The following KLHL13 variants were observed in gnomAD, a reference collection of about 807,000 sequenced individuals.
KLHL13 encodes the protein kelch-like protein 13.
Under a neutral mutation model 37.1 loss-of-function variants are expected in KLHL13, and 10 were observed. That is an observed-to-expected ratio of 0.27 (90% CI 0.17 to 0.46). The LOEUF is 0.46. Ranked by LOEUF, KLHL13 falls within the 20% of genes least tolerant of loss-of-function variation. The probability of loss-of-function intolerance (pLI) is 1.00; values close to 1 mark genes in which losing one functional copy is unlikely to be tolerated. For missense variants in KLHL13, 360 were observed against 509.3 expected, an observed-to-expected ratio of 0.71 and a Z score of 2.82; for synonymous variants, 163 against 181.2, an observed-to-expected ratio of 0.90 and a Z score of 0.81.
At chrX:118,101,645 C>T (rs561909800) in intron 1 of KLHL13, among the ~76,000 whole-genome samples, 2 of 111,186 alleles carry the variant, frequency 1.8e-5, no homozygotes, top group South Asian at 7.7e-4. Context: ...GGCTCTGTGT[C>T]CCCACCCAAA....
intron 1 of KLHL13, among the ~76,000 whole-genome samples, chrX:117,986,170 A>C (rs2053724037): frequency 9.0e-6 from 1 of 111,501 alleles, no homozygotes; most frequent in South Asian, 3.7e-4. Flanking sequence ...TAGAAGCTTT[A>C]GTAATATAAG....
At chrX:118,108,143 T>C (rs2055365923) in intron 1 of KLHL13, among the ~76,000 whole-genome samples, 2 of 112,125 alleles carry the variant, frequency 1.8e-5, no homozygotes, top group Admixed American at 9.5e-5. Flanking sequence ...TTTTTAAAAG[T>C]GGGACCAAGA....
chrX:118,028,615 C>T (rs1222762332), intron 1 of KLHL13, 118 bp from the exon 2 acceptor site: 1 of 337,360 alleles, frequency 3.0e-6, no homozygotes, highest in African/African-American at 2.6e-5. Context: ...AAATGTATGC[C>T]CCTGTACTTA....
intron 1 of KLHL13, among the ~76,000 whole-genome samples, chrX:118,077,500 C>G (rs181615389): frequency 9.1e-6 from 1 of 109,553 alleles, no homozygotes; most frequent in African/African-American, 3.3e-5. Flanking sequence ...AAAGATGTTA[C>G]GTATTATGCA....
At chrX:117,988,954 A>T (rs1429712607) in intron 1 of KLHL13, among the ~76,000 whole-genome samples, 1 of 112,101 alleles carries the variant, frequency 8.9e-6, no homozygotes, top group Admixed American at 9.4e-5. Flanking sequence ...TACACTGAGA[A>T]TTTGAAAGGG....
chrX:118,099,106 T>C (rs953770887), intron 1 of KLHL13, among the ~76,000 whole-genome samples: 27 of 104,778 alleles, frequency 2.6e-4, no homozygotes, highest in African/African-American at 9.8e-4. Flanking sequence ...ACTTAAAGTA[T>C]AATAATAATA....
chrX:117,983,362 G>T, intron 1 of KLHL13: 1 of 417,569 alleles, frequency 2.4e-6, no homozygotes, highest in Non-Finnish European at 4.1e-6. Context: ...CAGTGCCCTA[G>T]CCATTACTGT....
intron 1 of KLHL13, among the ~76,000 whole-genome samples, chrX:118,094,387 A>T (rs963423365): frequency 6.3e-5 from 7 of 111,713 alleles, no homozygotes; most frequent in African/African-American, 2.3e-4. Context: ...ATATGGGATT[A>T]TGTGAAAAGA....
At chrX:118,012,191 C>T (rs149306319) in intron 1 of KLHL13, among the ~76,000 whole-genome samples, 36 of 111,717 alleles carry the variant, frequency 3.2e-4, no homozygotes, top group African/African-American at 1.1e-3. Flanking sequence ...GAAATTACAG[C>T]TCCTGGTATA....
chrX:117,967,935 A>G (rs1052489104), intron 1 of KLHL13, among the ~76,000 whole-genome samples: 9 of 111,489 alleles, frequency 8.1e-5, no homozygotes, highest in Non-Finnish European at 1.5e-4. Context: ...TGTGAATCCT[A>G]TAATTAAAAA....
chrX:117,915,020 C>A (rs1434499915), intron 4 of KLHL13, among the ~76,000 whole-genome samples: 4 of 111,807 alleles, frequency 3.6e-5, no homozygotes, highest in Non-Finnish European at 7.5e-5. Context: ...CTTCTATGTA[C>A]TATTTGCCCA....
intron 1 of KLHL13, among the ~76,000 whole-genome samples, chrX:118,001,248 A>C (rs187817157): frequency 9.0e-6 from 1 of 111,474 alleles, no homozygotes; most frequent in African/African-American, 3.3e-5. Context: ...TCAAAAGATG[A>C]CCTTTGGAAA....
intron 2 of KLHL13, among the ~76,000 whole-genome samples, chrX:117,928,548 T>C (rs963157708): frequency 1.7e-4 from 19 of 111,783 alleles, no homozygotes; most frequent in Non-Finnish European, 3.4e-4. Context: ...AAATCAAAAA[T>C]AGAAAAATCT....
intron 1 of KLHL13, among the ~76,000 whole-genome samples, chrX:118,078,546 A>G (rs766326482): frequency 9.0e-6 from 1 of 111,705 alleles, no homozygotes; most frequent in South Asian, 3.8e-4. Flanking sequence ...TTAGTTGATT[A>G]GCATTAACGC....
intron 1 of KLHL13, among the ~76,000 whole-genome samples, chrX:118,099,899 G>GAAAGAAAGAAGGAAGA (rs1423923131): frequency 7.0e-4 from 69 of 97,880 alleles, no homozygotes; most frequent in African/African-American, 3.0e-3. Context: ...AGGAAAGAAG[G>GAAAGAAAGAAGGAAGA]AAGGAAAGAA....
At chrX:118,089,621 A>AGAAG (rs1161731615) in intron 1 of KLHL13, among the ~76,000 whole-genome samples, 11 of 11,671 alleles carry the variant, frequency 9.4e-4, no homozygotes, top group African/African-American at 4.6e-3. Flanking sequence ...AGAAAGAAAG[A>AGAAG]GAAAGAAAGA....
chrX:118,058,325 C>A (rs1398115095), intron 1 of KLHL13, among the ~76,000 whole-genome samples: 1 of 110,888 alleles, frequency 9.0e-6, no homozygotes, highest in Non-Finnish European at 1.9e-5. Context: ...CTTACACACA[C>A]TAATTAATTA....
At chrX:118,015,352 T>G (rs1042176597) in intron 1 of KLHL13, among the ~76,000 whole-genome samples, 46 of 111,809 alleles carry the variant, frequency 4.1e-4, no homozygotes, top group Non-Finnish European at 7.9e-4. Context: ...TTTTTCTAAG[T>G]GTTCTGTAAT....
chrX:118,049,582 G>A (rs1465065510), intron 1 of KLHL13, among the ~76,000 whole-genome samples: 1 of 110,134 alleles, frequency 9.1e-6, no homozygotes, highest in African/African-American at 3.3e-5. Context: ...GCATTGAGTG[G>A]TGATTCTTCA....
Sources: gnomAD v4.1 joint callset for allele counts (sites outside exome capture counted in the v4.1 genomes callset) on GRCh38, gnomAD v4.1.1 for gene constraint, MANE v1.5 for transcripts, NCBI Gene and HGNC (gene_info 2026-07-23, HGNC 2026-07-21) for gene names.